The following SLC4A5 variants were observed in gnomAD, a reference collection of about 807,000 sequenced individuals.
SLC4A5 encodes the protein solute carrier family 4 member 5.
Under a neutral mutation model 120.4 loss-of-function variants are expected in SLC4A5, and 96 were observed. That is an observed-to-expected ratio of 0.80 (90% CI 0.68 to 0.94). The LOEUF (loss-of-function observed/expected upper bound fraction) is 0.94. Among genes scored for constraint, SLC4A5 ranks in the 40% least tolerant of loss-of-function variants. The probability of loss-of-function intolerance (pLI) is 0.00; values close to 1 mark genes in which losing one functional copy is unlikely to be tolerated. For synonymous variants in SLC4A5, 550 were observed against 571.1 expected, an observed-to-expected ratio of 0.96 and a Z score of 0.53; for missense variants, 1,259 against 1,459.5, an observed-to-expected ratio of 0.86 and a Z score of 2.24.
chr2:74,318,456 G>T lies in SLC4A5; in HGVS notation c.-2-3431C>A, dbSNP rs956280175. ...TCCCAGCACTTTGGGAGGCAGAGGT[G>T]GGGGGGATGGCCTGAGGTCAGGAGT... On this transcript the variant is annotated intron_variant, in intron 5 of 30. Coordinates refer to ENST00000394019, the Ensembl canonical transcript of SLC4A5. 1.1e-4 allele frequency among the ~76,000 whole-genome samples: 16 copies of T among 152,178 alleles called. No individual in the cohort carries two copies. In the East Asian group the frequency reaches 2.3e-3, roughly 22 times the overall value.
intron 8 of SLC4A5, among the ~76,000 whole-genome samples, chr2:74,281,193 A>G (rs1003330540): frequency 6.6e-6 from 1 of 152,216 alleles, no homozygotes; most frequent in South Asian, 2.1e-4. Context: ...CATGTGTCTC[A>G]TAAGAATCTT....
intron 19 of SLC4A5, among the ~76,000 whole-genome samples, chr2:74,246,417 A>G (rs1167636527): frequency 6.6e-6 from 1 of 152,170 alleles, no homozygotes; most frequent in African/African-American, 2.4e-5. Context: ...ATTCAGCTCT[A>G]CATCCTGTGG....
intron 30 of SLC4A5, among the ~76,000 whole-genome samples, chr2:74,221,132 C>T (rs959826708): frequency 1.3e-5 from 2 of 152,178 alleles, no homozygotes; most frequent in Admixed American, 6.5e-5. Context: ...TGTGAGGCAC[C>T]GTGCTGGGCC....
intron 12 of SLC4A5, among the ~76,000 whole-genome samples, chr2:74,258,973 C>T (rs1671052701): frequency 6.6e-6 from 1 of 152,130 alleles, no homozygotes. Context: ...GACCATGGGG[C>T]CTCCTGTCCT....
At chr2:74,272,634 G>A (rs566327639) in intron 8 of SLC4A5, among the ~76,000 whole-genome samples, 4 of 152,352 alleles carry the variant, frequency 2.6e-5, no homozygotes, top group Non-Finnish European at 4.4e-5. Flanking sequence ...GTGGGCACCA[G>A]GTGCCCCGCT....
chr2:74,228,453 C>T lies in SLC4A5; in HGVS notation c.2848-575G>A, dbSNP rs1001472618. Among the ~76,000 whole-genome samples, 5 of 152,246 alleles carry T rather than the reference C, an allele frequency of 3.3e-5. No individual in the cohort carries two copies. The South Asian group carries it at 1.0e-3, about 32-fold the overall frequency. On this transcript the variant is annotated intron_variant, in intron 25 of 30. Transcript: ENST00000394019. ...GACCAGCCTGGCCAACATGGTGAAA[C>T]CCCGTCTCTACTAAAAATACAAAAA...
intron 3 of SLC4A5, among the ~76,000 whole-genome samples, chr2:74,335,332 G>A (rs1673455847): frequency 1.3e-5 from 2 of 152,320 alleles, no homozygotes; most frequent in South Asian, 2.1e-4. Flanking sequence ...ACACTATTGG[G>A]AATCATTGAG....
At chr2:74,247,645 G>T (rs941660246) in intron 18 of SLC4A5, among the ~76,000 whole-genome samples, 1 of 151,868 alleles carries the variant, frequency 6.6e-6, no homozygotes, top group Non-Finnish European at 1.5e-5. Context: ...CTCCTAAGTA[G>T]CTGGGATTAC....
chr2:74,247,937 T>C (rs978966701), intron 18 of SLC4A5, among the ~76,000 whole-genome samples: 5 of 151,768 alleles, frequency 3.3e-5, no homozygotes, highest in African/African-American at 2.4e-5. Context: ...AAGAACAGGG[T>C]TGGAGCAGCC....
At chr2:74,280,554 C>T (rs933405570) in intron 8 of SLC4A5, among the ~76,000 whole-genome samples, 1 of 152,212 alleles carries the variant, frequency 6.6e-6, no homozygotes, top group Non-Finnish European at 1.5e-5. Context: ...ATCCTACTCT[C>T]CTTCAAACTG....
chr2:74,338,985 AT>A (rs1156393866), intron 2 of SLC4A5, 82 bp from the exon 3 acceptor site: 1 of 152,212 alleles, frequency 6.6e-6, no homozygotes, highest in Non-Finnish European at 1.5e-5. Flanking sequence ...AGAATTAAAT[AT>A]GATACATGGG....
chr2:74,240,045 A>T (rs1257597418), intron 20 of SLC4A5, among the ~76,000 whole-genome samples: 1 of 147,808 alleles, frequency 6.8e-6, no homozygotes, highest in Admixed American at 6.8e-5. Context: ...ATAAATTTAT[A>T]TATATATATA....
rs892313539 is a variant in SLC4A5, at chr2:74,338,841, T to G, written c.-221+14A>C. ...AAAAATAAAAATAAAAATAAATAAA[T>G]AAAATGGACATACCTTTTGGTAGCA... On this transcript the variant is annotated intron_variant, in intron 3 of 30. Transcript: ENST00000394019. The G allele has an allele frequency of 1.3e-5, 2 of 152,092 alleles. No homozygotes were observed. Among genetic ancestry groups the G allele is most frequent in the Non-Finnish European group, 2.9e-5 (2 of 68,026 alleles). 9.4% of individuals were successfully genotyped at this position (152,092 alleles called of 1,614,324 possible).
At chr2:74,335,618 T>G (rs1341890469) in intron 3 of SLC4A5, among the ~76,000 whole-genome samples, 3 of 152,162 alleles carry the variant, frequency 2.0e-5, no homozygotes, top group African/African-American at 4.8e-5. Context: ...AAGAGGGCTA[T>G]GGAAAGACAT....
intron 12 of SLC4A5, 33 bp downstream of exon 12, chr2:74,259,555 C>T (rs1168397478): frequency 6.2e-7 from 1 of 1,611,590 alleles, no homozygotes; most frequent in Non-Finnish European, 8.5e-7. Context: ...TGCCCTGGCC[C>T]TCCATTGCAG....
chr2:74,256,035 C>G (rs1257644632), intron 12 of SLC4A5, 103 bp from the exon 13 acceptor site: 3 of 1,273,932 alleles, frequency 2.4e-6, no homozygotes, highest in Non-Finnish European at 3.3e-6. Flanking sequence ...AAAAAATTCT[C>G]CCAATGTTGC....
At chr2:74,256,377 T>C (rs921720389) in intron 12 of SLC4A5, among the ~76,000 whole-genome samples, 10 of 152,236 alleles carry the variant, frequency 6.6e-5, no homozygotes, top group African/African-American at 2.2e-4. Context: ...CCTGTTCTGA[T>C]GGTCAGAGTA....
In SLC4A5 at chr2:74,307,475, G is replaced by A. The variant is rs540130974; in HGVS notation, c.80-2795C>T. On this transcript the variant is annotated intron_variant, in intron 6 of 30. Coordinates refer to ENST00000394019, the Ensembl canonical transcript of SLC4A5. ...TGACCTTGTGGAGCCCACGGATGTC[G>A]CTCTCTACAGACTAGCGCATGGCCA... 43 of 621,846 alleles carry A rather than the reference G, an allele frequency of 6.9e-5. No individual in the cohort carries two copies. In the East Asian group the frequency reaches 1.1e-3, roughly 16 times the overall value. 38.5% of individuals were successfully genotyped at this position (621,846 alleles called of 1,614,324 possible). A position where few individuals can be genotyped will look rare whatever the true frequency, so the allele number is the denominator to read the frequency against.
At chr2:74,339,917 T>C (rs1220930460) in intron 2 of SLC4A5, among the ~76,000 whole-genome samples, 4 of 152,218 alleles carry the variant, frequency 2.6e-5, no homozygotes, top group Non-Finnish European at 5.9e-5. Context: ...GACATCACGC[T>C]AAGTGAAATA....
Sources: gnomAD v4.1 joint callset for allele counts (sites outside exome capture counted in the v4.1 genomes callset) on GRCh38, gnomAD v4.1.1 for gene constraint, MANE v1.5 for transcripts, NCBI Gene and HGNC (gene_info 2026-07-23, HGNC 2026-07-21) for gene names.